SKA1: variants seen among roughly 807,000 people sequenced by gnomAD.
SKA1 encodes SKA complex subunit 1.
Under a neutral mutation model 31.8 loss-of-function variants are expected in SKA1, and 20 were observed. The ratio of observed to expected loss-of-function variants is 0.63; its 90% CI spans 0.44 to 0.91. SKA1 has a LOEUF of 0.91. SKA1 is among the 40% of genes least tolerant of loss of function. SKA1 has a pLI of 0.00. For missense variants in SKA1, 253 were observed against 298.2 expected (o/e 0.85, Z 1.12); for synonymous variants, 88 against 100.5 (o/e 0.88, Z 0.74).
At chr18:50,385,148 G>T in intron 4 of SKA1, 68 bp from the exon 5 acceptor site, 1 of 1,298,512 alleles carries the variant, frequency 7.7e-7, no homozygotes, top group Non-Finnish European at 1.1e-6. Flanking sequence ...ATTTTCAGTT[G>T]GGAAAACTGT....
chr18:50,385,023 G>A (rs2041295476), intron 4 of SKA1, among the ~76,000 whole-genome samples, 193 bp from the exon 5 acceptor site: 1 of 151,554 alleles, frequency 6.6e-6, no homozygotes, highest in South Asian at 2.1e-4. Flanking sequence ...GAAGATTTGG[G>A]AACTTAATTT....
At chr18:50,386,644 C>T (rs2041310378) in intron 5 of SKA1, among the ~76,000 whole-genome samples, 1 of 152,160 alleles carries the variant, frequency 6.6e-6, no homozygotes, top group African/African-American at 2.4e-5. Context: ...CGTATAATGT[C>T]ATGTGTCTAC....
At chr18:50,385,639 T>C (rs1489255291) in intron 5 of SKA1, among the ~76,000 whole-genome samples, 1 of 152,178 alleles carries the variant, frequency 6.6e-6, no homozygotes, top group African/African-American at 2.4e-5. Context: ...CTCAGTTTTG[T>C]GGTAATTTTA....
At position 50,381,872 on chromosome 18, in the gene SKA1, C is replaced by T. The variant is rs144753757; in HGVS notation, c.214-257C>T. ...TCCTGAGTAGCTGGGACTATAGGCGCGTGCCACCACGCCCGGCTAAATTTT... is the reference window on the plus strand; with the variant it reads ...TCCTGAGTAGCTGGGACTATAGGCGTGTGCCACCACGCCCGGCTAAATTTT... On this transcript the variant is annotated intron_variant, in intron 3 of 6. Transcript: ENST00000285116. Among the ~76,000 whole-genome samples, 890 of 152,092 alleles carry T rather than the reference C, an allele frequency of 5.9e-3. 7 individuals carry two copies. The highest frequency in any genetic ancestry group is 0.021 in the African/African-American group (851 of 41,482).
chr18:50,391,970 C>T, intron 6 of SKA1, 129 bp from the exon 7 acceptor site: 1 of 600,022 alleles, frequency 1.7e-6, no homozygotes, highest in Non-Finnish European at 2.8e-6. Context: ...AGCAAGAATA[C>T]TAGTTCTTGG....
At chr18:50,384,364 C>A (rs980748759) in intron 4 of SKA1, among the ~76,000 whole-genome samples, 3 of 152,102 alleles carry the variant, frequency 2.0e-5, no homozygotes, top group Non-Finnish European at 4.4e-5. Flanking sequence ...TTGCTGCTGG[C>A]AACATCCCTG....
intron 3 of SKA1, 138 bp from the exon 4 acceptor site, chr18:50,381,991 C>T (rs2041267506): frequency 3.4e-6 from 2 of 582,154 alleles, no homozygotes; most frequent in South Asian, 4.5e-5. Context: ...TCCCAAGGTG[C>T]TGGGATTACA....
chr18:50,385,430 T>C (rs2041299581), intron 5 of SKA1, 77 bp downstream of exon 5: 5 of 1,191,044 alleles, frequency 4.2e-6, no homozygotes, highest in Non-Finnish European at 2.3e-6. Context: ...CTTAATTATA[T>C]TAATTGTAAT....
intron 4 of SKA1, among the ~76,000 whole-genome samples, chr18:50,384,876 AAAAAAAAAAAAAAAGG>A: frequency 6.8e-6 from 1 of 148,096 alleles, no homozygotes; most frequent in Admixed American, 6.7e-5. Flanking sequence ...AAAATTAAAA[AAAAAAAAAAAAAAAGG>A]AAAAAAAAAA....
Position 50,392,302 on chromosome 18 carries a change from C to A in SKA1, c.*55C>A. 4.7e-5 allele frequency: 50 copies of A among 1,072,272 alleles called. No homozygotes were observed. Among genetic ancestry groups the A allele is most frequent in the Non-Finnish European group, 5.8e-5 (47 of 809,366 alleles). 66.4% of individuals were successfully genotyped at this position (1,072,272 alleles called of 1,614,324 possible). On this transcript the variant is annotated 3_prime_UTR_variant, in exon 7 of 7. Transcript: ENST00000285116. ...AGGGTATAGAGTATAGAGGCTATTTCTATAATTTTCTTATATATAATTTTT... is the reference window on the plus strand; with the variant it reads ...AGGGTATAGAGTATAGAGGCTATTTATATAATTTTCTTATATATAATTTTT...
intron 6 of SKA1, among the ~76,000 whole-genome samples, chr18:50,391,611 T>C (rs2041357835): frequency 6.6e-6 from 1 of 152,190 alleles, no homozygotes; most frequent in African/African-American, 2.4e-5. Context: ...TTAGAGTCTA[T>C]TGTGAAACTA....
chr18:50,384,716 G>A, intron 4 of SKA1, among the ~76,000 whole-genome samples: 1 of 106,616 alleles, frequency 9.4e-6, no homozygotes, highest in African/African-American at 4.5e-5. Context: ...TGGGGTCGGG[G>A]GAGGGGGGAG....
In SKA1 at chr18:50,379,498, C is replaced by T. The variant is rs145649694; in HGVS notation, c.89-628C>T. On this transcript the variant is annotated intron_variant, in intron 2 of 6. Coordinates refer to ENST00000285116, the MANE Select transcript of SKA1 (RefSeq NM_145060.4). ...TCCACACACACACTGAAGGGCCTGT[C>T]TAAAACATAAGCTTATTTCTCTGGT... Among the ~76,000 whole-genome samples the T allele has an allele frequency of 2.7e-3, 409 of 152,304 alleles. 6 individuals carry two copies. The highest frequency in any genetic ancestry group is 9.1e-3 in the African/African-American group (378 of 41,566).
chr18:50,385,257 T>A lies in SKA1; in HGVS notation c.353T>A (p.Val118Asp). ...CTTGATCCTGAAGAACCAATCAAAG[T>A]TGAAGAACCTGAACCCGTAAAGAAG... ...SDLDPEEPIK[V>D]EEPEPVKKPP... Residue 118 changes from valine (V) to aspartate (D), a missense_variant, in exon 5 of 7, where the codon GTT becomes GAT. By Grantham distance (152) the Val-to-Asp change is radical. Coordinates refer to ENST00000285116, the MANE Select transcript of SKA1 (RefSeq NM_145060.4). The A allele has an allele frequency of 1.9e-6, 3 of 1,613,554 alleles. No individual in the cohort carries two copies. The highest frequency in any genetic ancestry group is 2.5e-6 in the Non-Finnish European group (3 of 1,179,744).
intron 6 of SKA1, among the ~76,000 whole-genome samples, chr18:50,391,610 A>G (rs1436830022): frequency 6.6e-6 from 1 of 152,226 alleles, no homozygotes; most frequent in Non-Finnish European, 1.5e-5. Context: ...TTTAGAGTCT[A>G]TTGTGAAACT....
At chr18:50,388,923 A>G (rs1024983705) in intron 5 of SKA1, among the ~76,000 whole-genome samples, 3 of 152,150 alleles carry the variant, frequency 2.0e-5, no homozygotes, top group African/African-American at 7.2e-5. Context: ...CTCTCAAGCT[A>G]GTTCAAACTG....
At chr18:50,385,791 A>C (rs987586352) in intron 5 of SKA1, among the ~76,000 whole-genome samples, 3 of 152,358 alleles carry the variant, frequency 2.0e-5, no homozygotes, top group East Asian at 1.9e-4. Flanking sequence ...AGGAATGAAT[A>C]AGACAAAATG....
At chr18:50,376,492 G>A (rs1389114332) in intron 2 of SKA1, among the ~76,000 whole-genome samples, 2 of 152,198 alleles carry the variant, frequency 1.3e-5, no homozygotes, top group Non-Finnish European at 2.9e-5. Context: ...GATTAAAAAT[G>A]GAACACCTGT....
intron 5 of SKA1, among the ~76,000 whole-genome samples, chr18:50,389,405 T>TTTTTTTTTTG (rs1568331123): frequency 6.8e-6 from 1 of 147,822 alleles, no homozygotes; most frequent in African/African-American, 2.5e-5. Flanking sequence ...TTTTTTACTT[T>TTTTTTTTTTG]TTTTGTTTTT....
Sources: gnomAD v4.1 joint callset for allele counts (sites outside exome capture counted in the v4.1 genomes callset) on GRCh38, gnomAD v4.1.1 for gene constraint, MANE v1.5 for transcripts, NCBI Gene and HGNC (gene_info 2026-07-23, HGNC 2026-07-21) for gene names.